The following OSBPL6 variants were observed in gnomAD, a reference collection of about 807,000 sequenced individuals.
The protein encoded by OSBPL6 is oxysterol-binding protein-related protein 6.
Under a neutral mutation model 125.8 loss-of-function variants are expected in OSBPL6, and 49 were observed. The observed-to-expected ratio is 0.39, with a 90% CI of 0.31 to 0.49. The LOEUF is 0.49. Among genes scored for constraint, OSBPL6 ranks in the 20% least tolerant of loss-of-function variants. OSBPL6 has a pLI of 0.88. For synonymous variants in OSBPL6, 394 were observed against 391.8 expected, an observed-to-expected ratio of 1.01 and a Z score of -0.07; for missense variants, 986 against 1,135.4, an observed-to-expected ratio of 0.87 and a Z score of 1.89.
intron 3 of OSBPL6, among the ~76,000 whole-genome samples, chr2:178,318,890 T>C (rs73032543): frequency 0.014 from 2,159 of 152,332 alleles, 56 homozygotes; most frequent in African/African-American, 0.05. Flanking sequence ...CTGTAATGTT[T>C]ATAACTGAGA....
chr2:178,307,266 A>T (rs1559226429), intron 3 of OSBPL6, among the ~76,000 whole-genome samples: 2 of 152,106 alleles, frequency 1.3e-5, no homozygotes, highest in Non-Finnish European at 2.9e-5. Context: ...TCCAAAAATG[A>T]ATTCATTTTC....
chr2:178,375,772 G>C (rs1312583529), intron 15 of OSBPL6, among the ~76,000 whole-genome samples: 5 of 152,198 alleles, frequency 3.3e-5, no homozygotes, highest in Non-Finnish European at 5.9e-5. Flanking sequence ...CGTGCATTAT[G>C]TGAGTTCTTA....
At chr2:178,287,580 G>A (rs1406648742) in intron 2 of OSBPL6, among the ~76,000 whole-genome samples, 1 of 152,148 alleles carries the variant, frequency 6.6e-6, no homozygotes, top group East Asian at 1.9e-4. Context: ...CTTTTGCTGA[G>A]TTGTGACTTG....
At chr2:178,212,286 G>A (rs1222081933) in intron 1 of OSBPL6, among the ~76,000 whole-genome samples, 1 of 152,174 alleles carries the variant, frequency 6.6e-6, no homozygotes, top group East Asian at 1.9e-4. Flanking sequence ...GTCCTTTCCT[G>A]GAGCCCGAGT....
At position 178,204,577 on chromosome 2, in the gene OSBPL6, A is replaced by T. The variant is rs147740382; in HGVS notation, c.-351+9903A>T. On this transcript the variant is annotated intron_variant, in intron 1 of 24. Transcript: ENST00000190611. ...GATCACTGTCTTTTGTTGCCTGATA[A>T]TATCTTGAAAACTATTTCTTTGTAT... Among the ~76,000 whole-genome samples the T allele has an allele frequency of 3.4e-3, 522 of 152,220 alleles. 2 individuals are homozygous for T. Among genetic ancestry groups the T allele is most frequent in the African/African-American group, 0.012 (478 of 41,538 alleles).
At chr2:178,199,839 C>T (rs1373796211) in intron 1 of OSBPL6, among the ~76,000 whole-genome samples, 1 of 152,096 alleles carries the variant, frequency 6.6e-6, no homozygotes, top group African/African-American at 2.4e-5. Flanking sequence ...TCTAATCTTT[C>T]GGAACACTGG....
At chr2:178,315,926 C>G (rs1687694611) in intron 3 of OSBPL6, among the ~76,000 whole-genome samples, 1 of 152,110 alleles carries the variant, frequency 6.6e-6, no homozygotes, top group Non-Finnish European at 1.5e-5. Flanking sequence ...AAACGTCATC[C>G]CAAAGGACCA....
intron 15 of OSBPL6, among the ~76,000 whole-genome samples, chr2:178,375,369 C>T (rs1459346474): frequency 6.6e-6 from 1 of 152,102 alleles, no homozygotes; most frequent in African/African-American, 2.4e-5. Context: ...TTGCTGAGCT[C>T]CCATAGCTGA....
chr2:178,337,443 A>G (rs1167589128), intron 9 of OSBPL6, among the ~76,000 whole-genome samples: 7 of 152,210 alleles, frequency 4.6e-5, no homozygotes, highest in Non-Finnish European at 7.3e-5. Context: ...AGATACTCAC[A>G]TCCCAGACTT....
intron 8 of OSBPL6, among the ~76,000 whole-genome samples, chr2:178,335,485 A>T (rs140440194): frequency 1.3e-5 from 2 of 152,252 alleles, no homozygotes; most frequent in Non-Finnish European, 2.9e-5. Context: ...ATATCAAATT[A>T]TGAGACTCCT....
At chr2:178,220,502 C>A (rs1200447563) in intron 1 of OSBPL6, among the ~76,000 whole-genome samples, 1 of 152,070 alleles carries the variant, frequency 6.6e-6, no homozygotes, top group Non-Finnish European at 1.5e-5. Context: ...CACAGAGTCT[C>A]GCCATGTTGC....
intron 12 of OSBPL6, among the ~76,000 whole-genome samples, chr2:178,358,108 G>A (rs994935670): frequency 2.0e-5 from 3 of 152,160 alleles, no homozygotes; most frequent in Admixed American, 2.0e-4. Flanking sequence ...GGGAGGGATA[G>A]CATTAGGAGA....
At chr2:178,235,462 G>GGT (rs1398773602) in intron 1 of OSBPL6, among the ~76,000 whole-genome samples, 1 of 130,942 alleles carries the variant, frequency 7.6e-6, no homozygotes, top group Non-Finnish European at 1.5e-5. Flanking sequence ...GCTGGAGTGC[G>GGT]GTGGTGCAAT....
intron 1 of OSBPL6, among the ~76,000 whole-genome samples, chr2:178,235,837 A>G (rs188715249): frequency 2.0e-4 from 31 of 152,322 alleles, no homozygotes; most frequent in Non-Finnish European, 3.7e-4. Flanking sequence ...TCATTAGCAT[A>G]AAGAACTATT....
intron 12 of OSBPL6, among the ~76,000 whole-genome samples, chr2:178,352,942 C>T (rs757374468): frequency 2.6e-5 from 4 of 152,206 alleles, no homozygotes; most frequent in Non-Finnish European, 5.9e-5. Context: ...ACTGTTGATA[C>T]CCAGTCAAAT....
intron 1 of OSBPL6, among the ~76,000 whole-genome samples, chr2:178,239,017 A>G (rs561384103): frequency 4.3e-4 from 65 of 152,298 alleles, no homozygotes; most frequent in East Asian, 2.3e-3. Context: ...TCAATCGTCT[A>G]TGTGACACAT....
intron 11 of OSBPL6, among the ~76,000 whole-genome samples, chr2:178,346,342 G>A (rs1018629694): frequency 2.6e-5 from 4 of 152,162 alleles, no homozygotes; most frequent in Admixed American, 2.0e-4. Context: ...CCACTGGCTC[G>A]ATGAGTCCTG....
Position 178,383,114 on chromosome 2 carries a change from T to C in OSBPL6, c.1712T>C (p.Leu571Pro). ...APCPDTSNIN[L>P]WNILRNNIGK... ...TGTCCTGACACCAGTAACATTAACC[T>C]GTGGAATATCTTGAGGAACAACATT... The change falls in exon 17 of 25, where the codon CTG (leucine) becomes CCG (proline). Residue 571 changes from leucine to proline, a missense_variant. Leu to Pro is a moderately conservative substitution (Grantham distance 98). Around this residue, in one of 3 missense-constraint regions of OSBPL6, gnomAD observed 843 missense variants for 997.3 expected, o/e 0.85. Coordinates refer to ENST00000190611, the MANE Select transcript of OSBPL6 (RefSeq NM_032523.4). The C allele has an allele frequency of 1.9e-6, 3 of 1,614,196 alleles. No homozygotes were observed. The highest frequency in any genetic ancestry group is 2.5e-6 in the Non-Finnish European group (3 of 1,180,044).
chr2:178,254,054 A>T (rs945306548), intron 1 of OSBPL6, among the ~76,000 whole-genome samples: 34 of 152,318 alleles, frequency 2.2e-4, no homozygotes, highest in African/African-American at 7.5e-4. Context: ...CCCTCACCAG[A>T]TGCAGCCTGT....
Sources: allele counts gnomAD v4.1 joint callset (sites outside exome capture counted in the v4.1 genomes callset), GRCh38; gene constraint gnomAD v4.1.1; regional missense constraint gnomAD v4.1.1; transcripts MANE v1.5; gene names NCBI Gene and HGNC (gene_info 2026-07-23, HGNC 2026-07-21).